Variants in ROBO1 observed in about 807,000 individuals in gnomAD.
The protein encoded by ROBO1 is roundabout homolog 1.
Under a neutral mutation model 195.9 loss-of-function variants are expected in ROBO1, and 149 were observed. The observed-to-expected ratio is 0.76, with a 90% CI of 0.67 to 0.87. The LOEUF is 0.87. Ranked by LOEUF, ROBO1 falls within the 40% of genes least tolerant of loss-of-function variation. ROBO1 has a pLI of 0.00. For missense variants in ROBO1, 1,933 were observed against 2,068.3 expected (o/e 0.93, Z 1.27); for synonymous variants, 816 against 733.2 (o/e 1.11, Z -1.82).
At chr3:79,442,920 CTA>C (rs910442748) in intron 2 of ROBO1, among the ~76,000 whole-genome samples, 3 of 152,076 alleles carry the variant, frequency 2.0e-5, no homozygotes, top group Admixed American at 6.6e-5. Context: ...TAAAGAAGGC[CTA>C]CTGATACTCA....
At chr3:78,864,776 T>C (rs1291919933) in intron 4 of ROBO1, among the ~76,000 whole-genome samples, 1 of 151,676 alleles carries the variant, frequency 6.6e-6, no homozygotes, top group Non-Finnish European at 1.5e-5. Flanking sequence ...TTAAGTCACC[T>C]CTCTAGTTTA....
intron 2 of ROBO1, among the ~76,000 whole-genome samples, chr3:79,184,184 C>A (rs1207308960): frequency 6.6e-6 from 1 of 152,062 alleles, no homozygotes. Flanking sequence ...CTTTTAAATA[C>A]CCCAAATGAG....
Position 78,662,052 on chromosome 3 carries a change from C to T in ROBO1, c.2029G>A (p.Val677Ile), listed in dbSNP as rs1379445581. The T allele has an allele frequency of 1.3e-6, 2 of 1,594,768 alleles. No homozygotes were observed. Among genetic ancestry groups the T allele is most frequent in the East Asian group, 4.5e-5 (2 of 44,330 alleles). Residue 677 changes from valine to isoleucine, a missense_variant, in exon 15 of 31, where the codon GTT becomes ATT. Val to Ile is a conservative substitution (Grantham distance 29). Transcript: ENST00000464233. ...ACGGTGGGGTTGTGGAGGTGCAGAA[C>T]AGCATTTCCCAGCTCTCTCTGGACC... ...KQVQRELGNA[V>I]LHLHNPTVLS...
At chr3:79,531,279 A>T (rs1305030892) in intron 2 of ROBO1, among the ~76,000 whole-genome samples, 3 of 152,178 alleles carry the variant, frequency 2.0e-5, no homozygotes, top group Non-Finnish European at 4.4e-5. Context: ...TATATTAATA[A>T]ATTAATAATA....
In ROBO1 at chr3:79,141,779, G is replaced by A. The variant is rs557859386; in HGVS notation, c.89-16240C>T. On this transcript the variant is annotated intron_variant, in intron 2 of 30. Transcript: ENST00000464233. The stretch of plus-strand genomic sequence containing the variant: ...CAGTTTATTTGGCTCACAGCCTTTG[G>A]ACATTTCTATTTTATAACATAAAGC... 7.9e-5 allele frequency among the ~76,000 whole-genome samples: 12 copies of A among 152,050 alleles called. No individual in the cohort carries two copies. The South Asian group carries it at 2.5e-3, about 32-fold the overall frequency.
At chr3:78,619,036 TAA>T (rs1704294173) in intron 26 of ROBO1, among the ~76,000 whole-genome samples, 1 of 152,124 alleles carries the variant, frequency 6.6e-6, no homozygotes. Context: ...ACTCTTAAAT[TAA>T]AAGAGTGCCA....
intron 5 of ROBO1, among the ~76,000 whole-genome samples, chr3:78,727,989 A>C (rs1186754709): frequency 6.6e-6 from 1 of 152,166 alleles, no homozygotes; most frequent in East Asian, 1.9e-4. Flanking sequence ...TTATATTTAA[A>C]TATCAAAGCA....
chr3:79,069,576 A>G lies in ROBO1; in HGVS notation c.172+55880T>C, dbSNP rs559555818. Among the ~76,000 whole-genome samples the G allele has an allele frequency of 3.9e-5, 6 of 152,046 alleles. No individual in the cohort carries two copies. In the Middle Eastern group the frequency reaches 0.01, roughly 259 times the overall value. On this transcript the variant is annotated intron_variant, in intron 3 of 30. Coordinates refer to ENST00000464233, the MANE Select transcript of ROBO1 (RefSeq NM_002941.4). ...ATTCTTGACATGTCAACAAAGTCCT[A>G]TAAAATTTGGCCTACGCCTACCACT...
At chr3:79,571,383 A>G (rs546904540) in intron 2 of ROBO1, among the ~76,000 whole-genome samples, 59 of 152,124 alleles carry the variant, frequency 3.9e-4, no homozygotes, top group Non-Finnish European at 7.6e-4. Flanking sequence ...AAAATATTGT[A>G]ATTCTTCAAT....
intron 1 of ROBO1, among the ~76,000 whole-genome samples, chr3:79,684,356 T>C (rs1433485134): frequency 6.6e-6 from 1 of 152,086 alleles, no homozygotes; most frequent in Non-Finnish European, 1.5e-5. Flanking sequence ...CTTTCAGTTA[T>C]TTTGCTTTTT....
chr3:79,716,288 C>A (rs1302772471), intron 1 of ROBO1, among the ~76,000 whole-genome samples: 1 of 151,532 alleles, frequency 6.6e-6, no homozygotes, highest in African/African-American at 2.4e-5. Context: ...CCCCAGTATA[C>A]CCAGTATCAA....
chr3:79,577,867 G>A (rs1301008650), intron 2 of ROBO1, among the ~76,000 whole-genome samples: 1 of 151,766 alleles, frequency 6.6e-6, no homozygotes, highest in East Asian at 1.9e-4. Context: ...AGCGGAGAGC[G>A]CGCCACCGCC....
intron 3 of ROBO1, among the ~76,000 whole-genome samples, chr3:78,944,714 C>T (rs966251066): frequency 1.3e-5 from 2 of 152,228 alleles, no homozygotes; most frequent in African/African-American, 2.4e-5. Context: ...CAGAGAGAGG[C>T]ATTGCCTAAC....
At chr3:78,823,375 G>C (rs939904581) in intron 4 of ROBO1, among the ~76,000 whole-genome samples, 1 of 152,084 alleles carries the variant, frequency 6.6e-6, no homozygotes, top group African/African-American at 2.4e-5. Context: ...TAGAGTACTC[G>C]AAACTTAATT....
chr3:79,374,332 G>T (rs2109348723), intron 2 of ROBO1, among the ~76,000 whole-genome samples: 1 of 151,340 alleles, frequency 6.6e-6, no homozygotes, highest in Non-Finnish European at 1.5e-5. Flanking sequence ...TATTCTTAGA[G>T]CTCAAACATT....
At chr3:79,763,756 T>C (rs1704836092) in intron 1 of ROBO1, among the ~76,000 whole-genome samples, 2 of 152,216 alleles carry the variant, frequency 1.3e-5, no homozygotes, top group Admixed American at 1.3e-4. Context: ...GAAAAAGTTA[T>C]TTACTGTTTA....
At chr3:79,005,207 T>C (rs775434705) in intron 3 of ROBO1, among the ~76,000 whole-genome samples, 6 of 152,206 alleles carry the variant, frequency 3.9e-5, no homozygotes, top group Non-Finnish European at 7.3e-5. Flanking sequence ...GGCACATTAC[T>C]GCACCTGACC....
chr3:78,684,818 A>C (rs981836547), intron 10 of ROBO1, among the ~76,000 whole-genome samples: 4 of 152,180 alleles, frequency 2.6e-5, no homozygotes, highest in African/African-American at 9.6e-5. Flanking sequence ...GACGTTTTAA[A>C]AGATCAACAA....
chr3:79,584,654 CA>C, intron 2 of ROBO1, among the ~76,000 whole-genome samples: 1 of 146,168 alleles, frequency 6.8e-6, no homozygotes, highest in Admixed American at 6.8e-5. Context: ...CATACACACA[CA>C]CACACATACA....
Sources: gnomAD v4.1 joint callset for allele counts (sites outside exome capture counted in the v4.1 genomes callset) on GRCh38, gnomAD v4.1.1 for gene constraint, MANE v1.5 for transcripts, NCBI Gene and HGNC (gene_info 2026-07-23, HGNC 2026-07-21) for gene names.